ZC3H4: variants seen among roughly 807,000 people sequenced by gnomAD.
ZC3H4 encodes the protein zinc finger CCCH-type containing 4.
ZC3H4 carries 13 observed loss-of-function variants against 108.3 expected under a neutral mutation model. That is an observed-to-expected ratio of 0.12 (90% confidence interval 0.08 to 0.19). The LOEUF (loss-of-function observed/expected upper bound fraction) is 0.19. Among genes scored for constraint, ZC3H4 ranks in the 10% least tolerant of loss-of-function variants. ZC3H4 has a pLI of 1.00. For missense variants in ZC3H4, 1,734 were observed against 1,838.8 expected (o/e 0.94, Z 1.04); for synonymous variants, 917 against 749.6 (o/e 1.22, Z -3.65).
At chr19:47,112,322 C>A (rs2058050807) in intron 2 of ZC3H4, 102 bp downstream of exon 2, 3 of 1,169,730 alleles carry the variant, frequency 2.6e-6, no homozygotes, top group Non-Finnish European at 3.2e-6. Flanking sequence ...TCCTCCTCCT[C>A]CTCCTCCTCC....
intron 9 of ZC3H4, among the ~76,000 whole-genome samples, 187 bp from the exon 10 acceptor site, chr19:47,082,482 TA>T (rs746229432): frequency 3.3e-5 from 5 of 152,170 alleles, no homozygotes; most frequent in Non-Finnish European, 5.9e-5. Context: ...ACTAATTTTT[TA>T]AATATTTTTT....
At chr19:47,102,108 C>T (rs899013080) in intron 2 of ZC3H4, among the ~76,000 whole-genome samples, 2 of 152,130 alleles carry the variant, frequency 1.3e-5, no homozygotes, top group African/African-American at 4.8e-5. Context: ...GCAAGGTCCC[C>T]AAGCAGTTAT....
rs1455428446 is a variant in ZC3H4, at chr19:47,113,706, A to G, written c.-6+14T>C. 1 of 146,928 alleles carries G rather than the reference A, an allele frequency of 6.8e-6. No homozygotes were observed. The highest frequency in any genetic ancestry group is 1.5e-5 in the Non-Finnish European group (1 of 65,424). The allele number at this position is 146,928 out of a possible 1,614,324, so 9.1% of individuals were successfully genotyped here. On this transcript the variant is annotated intron_variant, in intron 1 of 14. Transcript: ENST00000253048. ...GAAGGAATTCAGGCTACGGAGAGGG[A>G]AAAAAAAAATAACCGAAAGCTGGAG...
At chr19:47,111,763 G>C (rs1028206705) in intron 2 of ZC3H4, among the ~76,000 whole-genome samples, 1 of 150,950 alleles carries the variant, frequency 6.6e-6, no homozygotes, top group Non-Finnish European at 1.5e-5. Context: ...GTGCTATAGA[G>C]CACCCACCCA....
At chr19:47,089,291 C>T (rs1447991286) in intron 5 of ZC3H4, among the ~76,000 whole-genome samples, 1 of 151,824 alleles carries the variant, frequency 6.6e-6, no homozygotes, top group African/African-American at 2.4e-5. Flanking sequence ...GTCTGAGAAC[C>T]CCTGCACTGG....
At position 47,081,619 on chromosome 19, in the gene ZC3H4, T is replaced by C; in HGVS notation, c.1334A>G (p.Asp445Gly). 1 of 1,613,996 alleles carries C rather than the reference T, an allele frequency of 6.2e-7. No homozygotes were observed. Among genetic ancestry groups the C allele is most frequent in the Non-Finnish European group, 8.5e-7 (1 of 1,179,850 alleles). The stretch of plus-strand genomic sequence containing the variant: ...GGTGTGGTACAGCTTACACGGGAAA[T>C]CACGTTCATGGCAAATTAAGGTAAA... ...RAENCPYMHGDFPCKLYHTTG... is the reference protein window; with the variant it reads ...RAENCPYMHGGFPCKLYHTTG... The change falls in exon 11 of 15, where the codon GAT becomes GGT. Residue 445 changes from aspartate to glycine, a missense_variant. Coordinates refer to ENST00000253048, the MANE Select transcript of ZC3H4 (RefSeq NM_015168.2).
chr19:47,108,053 TA>T (rs1050503003), intron 2 of ZC3H4, among the ~76,000 whole-genome samples: 1 of 152,222 alleles, frequency 6.6e-6, no homozygotes, highest in African/African-American at 2.4e-5. Flanking sequence ...CATACCATGT[TA>T]TTCGGAGAGG....
chr19:47,081,525 C>G lies in ZC3H4; in HGVS notation c.1428G>C (p.Glu476Asp). ...SHDPLTEETR[E>D]LLDKMLADDA... ...CCCCGGACATTACCTTATCCAAGAG[C>G]TCCCTCGTCTCTTCGGTCAGAGGGT... Residue 476 changes from glutamate (E) to aspartate (D), a missense_variant, in exon 11 of 15, where the codon GAG becomes GAC. Glu to Asp is a conservative substitution (Grantham distance 45). This residue lies in a region of ZC3H4 where 66 missense variants were observed against 166.8 expected (regional missense o/e 0.40). Transcript: ENST00000253048. 6.2e-7 allele frequency: 1 copy of G among 1,614,182 alleles called. No individual in the cohort carries two copies. The highest frequency in any genetic ancestry group is 8.5e-7 in the Non-Finnish European group (1 of 1,179,992).
intron 11 of ZC3H4, among the ~76,000 whole-genome samples, chr19:47,077,712 C>T (rs1231070149): frequency 2.0e-5 from 3 of 151,558 alleles, no homozygotes; most frequent in African/African-American, 7.3e-5. Flanking sequence ...AAAAAATGAG[C>T]CGGGCGTGAT....
At chr19:47,091,304 C>T (rs1247576741) in intron 4 of ZC3H4, among the ~76,000 whole-genome samples, 3 of 152,106 alleles carry the variant, frequency 2.0e-5, no homozygotes, top group East Asian at 1.9e-4. Context: ...GGCACAGTAG[C>T]TCACACCTGT....
At chr19:47,108,143 A>G (rs1051924205) in intron 2 of ZC3H4, among the ~76,000 whole-genome samples, 3 of 152,132 alleles carry the variant, frequency 2.0e-5, no homozygotes, top group African/African-American at 7.2e-5. Context: ...CTCAGGAGTC[A>G]TCCTTTTTTC....
At chr19:47,075,799 G>C (rs1020243798) in intron 11 of ZC3H4, among the ~76,000 whole-genome samples, 4 of 152,170 alleles carry the variant, frequency 2.6e-5, no homozygotes, top group African/African-American at 4.8e-5. Flanking sequence ...GTCCAGTGCA[G>C]AGGAGAAAGG....
chr19:47,092,816 C>CAATA (rs57195521), intron 4 of ZC3H4, among the ~76,000 whole-genome samples: 72,521 of 146,754 alleles, frequency 0.49, 20,017 homozygotes, highest in Non-Finnish European at 0.64. Context: ...GACTCCGTCT[C>CAATA]AATAAATAAA....
intron 8 of ZC3H4, 134 bp from the exon 9 acceptor site, chr19:47,084,589 G>T (rs902968569): frequency 1.2e-6 from 1 of 823,556 alleles, no homozygotes; most frequent in Non-Finnish European, 2.0e-6. Flanking sequence ...TGGGCAGGCT[G>T]CATCTAACAC....
At chr19:47,077,031 G>GT (rs1020550103) in intron 11 of ZC3H4, among the ~76,000 whole-genome samples, 3 of 152,034 alleles carry the variant, frequency 2.0e-5, no homozygotes, top group African/African-American at 7.2e-5. Flanking sequence ...GCTGGATGTG[G>GT]TGGCGGGCCT....
At position 47,072,510 on chromosome 19, in the gene ZC3H4, A is replaced by T. The variant is rs945115044; in HGVS notation, c.1644T>A (p.Pro548=). The T allele has an allele frequency of 3.4e-5, 3 of 88,938 alleles. No individual in the cohort carries two copies. The highest frequency in any genetic ancestry group is 3.2e-4 in the South Asian group (1 of 3,086). The allele number at this position is 88,938 out of a possible 1,614,324, so 5.5% of individuals were successfully genotyped here. ...TCTGAGGGGGCCCGGGCGGTGGGGGAGGGGGAGGGGGCGGGGGCGGGGGGC... is the reference window on the plus strand; with the variant it reads ...TCTGAGGGGGCCCGGGCGGTGGGGGTGGGGGAGGGGGCGGGGGCGGGGGGC... ...QGGPPPPPPP[P]PPPPGPPQMP... is the part of the protein sequence containing the mutation. The change falls in exon 12 of 15, where the codon CCT becomes CCA. Residue 548 remains proline (P), a synonymous_variant. Coordinates refer to ENST00000253048, the MANE Select transcript of ZC3H4 (RefSeq NM_015168.2). The surrounding 1 kb of genome is among the most constrained non-coding windows in gnomAD (Gnocchi z 5.6).
In ZC3H4 at chr19:47,067,588, G is replaced by A. The variant is rs375442397; in HGVS notation, c.2680C>T (p.Arg894Cys). 8.7e-6 allele frequency: 14 copies of A among 1,604,204 alleles called. No homozygotes were observed. The highest frequency in any genetic ancestry group is 4.0e-5 in the African/African-American group (3 of 74,870). Residue 894 changes from arginine to cysteine, a missense_variant, in exon 15 of 15, where the codon CGC (arginine) becomes TGC (cysteine). Around this residue, in one of 9 missense-constraint regions of ZC3H4, gnomAD observed 540 missense variants for 484.1 expected, o/e 1.12. Transcript: ENST00000253048. This position sits in a 1 kb window ranked among gnomAD's most constrained non-coding sequence, Gnocchi z 6.4. ...TCGGGCTTGGAGGTGGGCAGGGCGC[G>A]AGCCAGCCGAGGATCGGAGGGTCCC... ...DSGPSDPRLA[R>C]ALPTSKPEGS...
intron 11 of ZC3H4, among the ~76,000 whole-genome samples, chr19:47,077,481 A>AC (rs1242991794): frequency 6.6e-6 from 1 of 152,012 alleles, no homozygotes; most frequent in Non-Finnish European, 1.5e-5. Context: ...AAAAAAAAAA[A>AC]AACTGGTACC....
intron 2 of ZC3H4, chr19:47,110,848 C>T (rs1202059706): frequency 2.1e-6 from 2 of 930,484 alleles, no homozygotes; most frequent in Non-Finnish European, 2.6e-6. Context: ...CAGGACGATA[C>T]ATTTAATTAG....
Sources: gnomAD v4.1 joint callset for allele counts (sites outside exome capture counted in the v4.1 genomes callset) on GRCh38, gnomAD v4.1.1 for gene constraint, gnomAD v4.1.1 regional missense constraint, Gnocchi (gnomAD v3.1) non-coding constraint, MANE v1.5 for transcripts, NCBI Gene and HGNC (gene_info 2026-07-23, HGNC 2026-07-21) for gene names.